DCC: variants seen among roughly 807,000 people sequenced by gnomAD.
DCC encodes the protein DCC netrin 1 receptor.
A neutral mutation model predicts 172.5 loss-of-function variants in DCC; 58 were observed. The ratio of observed to expected loss-of-function variants is 0.34; its 90% CI spans 0.27 to 0.42. The LOEUF (loss-of-function observed/expected upper bound fraction) is 0.42, where lower values mean the gene tolerates loss of function less well. DCC is among the 10% of genes least tolerant of loss of function. The pLI is 1.00. For missense variants in DCC, 1,740 were observed against 1,791.0 expected (o/e 0.97, Z 0.51); for synonymous variants, 709 against 644.5 (o/e 1.10, Z -1.52).
chr18:52,376,152 A>T (rs919006030), intron 1 of DCC, among the ~76,000 whole-genome samples: 1 of 152,190 alleles, frequency 6.6e-6, no homozygotes, highest in East Asian at 1.9e-4. Context: ...GCTGTTTATA[A>T]AATAACTCTG....
intron 15 of DCC, among the ~76,000 whole-genome samples, chr18:53,363,747 T>A (rs932626051): frequency 1.2e-4 from 19 of 152,180 alleles, no homozygotes; most frequent in African/African-American, 4.6e-4. Flanking sequence ...GTTTTTCAAA[T>A]ATATTGAATT....
At chr18:53,433,232 G>A (rs190048252) in intron 21 of DCC, among the ~76,000 whole-genome samples, 3 of 152,044 alleles carry the variant, frequency 2.0e-5, no homozygotes, top group South Asian at 2.1e-4. Flanking sequence ...TGAAATTCAC[G>A]ATGTAATCAA....
chr18:52,871,416 A>G (rs2145383648), intron 2 of DCC, among the ~76,000 whole-genome samples: 1 of 152,188 alleles, frequency 6.6e-6, no homozygotes, highest in South Asian at 2.1e-4. Context: ...TTTGAATAAC[A>G]GACTTATGGG....
intron 2 of DCC, among the ~76,000 whole-genome samples, chr18:52,766,887 C>G (rs1323350872): frequency 6.6e-6 from 1 of 151,782 alleles, no homozygotes; most frequent in Non-Finnish European, 1.5e-5. Flanking sequence ...TTCTCTGTTC[C>G]CTGTCCCCAT....
At chr18:52,834,485 C>G (rs2038668458) in intron 2 of DCC, among the ~76,000 whole-genome samples, 1 of 152,162 alleles carries the variant, frequency 6.6e-6, no homozygotes, top group Non-Finnish European at 1.5e-5. Context: ...AACTTGAGAA[C>G]CACTAATCCC....
At chr18:52,824,176 C>T (rs1292130207) in intron 2 of DCC, among the ~76,000 whole-genome samples, 1 of 152,152 alleles carries the variant, frequency 6.6e-6, no homozygotes, top group Non-Finnish European at 1.5e-5. Flanking sequence ...GAGAAATACG[C>T]TGGTTTTCAA....
rs146048719 is a variant in DCC at position 52,669,658 on chromosome 18, T to C, written c.92-82396T>C. Among the ~76,000 whole-genome samples, 20 of 152,332 alleles carry C rather than the reference T, an allele frequency of 1.3e-4. No individual in the cohort carries two copies. The East Asian group carries it at 3.9e-3, about 29-fold the overall frequency. On this transcript the variant is annotated intron_variant, in intron 1 of 28. Transcript: ENST00000442544. The stretch of plus-strand genomic sequence containing the variant: ...ACGGTGCATATATTGGTTTGTTTAT[T>C]CATTTATTCAAAGTATCTAGAAATA...
At chr18:52,727,410 C>T (rs539712865) in intron 1 of DCC, among the ~76,000 whole-genome samples, 12 of 152,238 alleles carry the variant, frequency 7.9e-5, no homozygotes, top group African/African-American at 2.9e-4. Flanking sequence ...CCTGTTTCAA[C>T]ATGAAGCTGA....
intron 1 of DCC, among the ~76,000 whole-genome samples, chr18:52,596,344 G>C (rs1400311398): frequency 6.6e-6 from 1 of 152,130 alleles, no homozygotes; most frequent in Non-Finnish European, 1.5e-5. Context: ...ATCTAAATTA[G>C]ACTAACTCAC....
chr18:53,325,276 A>G (rs2057454729), intron 14 of DCC, among the ~76,000 whole-genome samples: 1 of 151,722 alleles, frequency 6.6e-6, no homozygotes. Flanking sequence ...CTAATCCTGT[A>G]GAAATGACTT....
At chr18:53,195,863 C>G (rs2055435997) in intron 9 of DCC, among the ~76,000 whole-genome samples, 1 of 152,074 alleles carries the variant, frequency 6.6e-6, no homozygotes, top group South Asian at 2.1e-4. Context: ...AATTTTTAGC[C>G]TTGATTATAT....
At chr18:53,339,442 C>T (rs2057630208) in intron 14 of DCC, among the ~76,000 whole-genome samples, 1 of 152,006 alleles carries the variant, frequency 6.6e-6, no homozygotes, top group African/African-American at 2.4e-5. Context: ...GAAAAAAAGC[C>T]CAAGTAAGAC....
chr18:52,592,704 A>T (rs1224800234), intron 1 of DCC, among the ~76,000 whole-genome samples: 1 of 152,020 alleles, frequency 6.6e-6, no homozygotes, highest in Non-Finnish European at 1.5e-5. Flanking sequence ...CACGATCTCA[A>T]CTCATTGTAA....
chr18:52,479,638 T>A (rs2144579716), intron 1 of DCC, among the ~76,000 whole-genome samples: 1 of 148,346 alleles, frequency 6.7e-6, no homozygotes, highest in African/African-American at 2.5e-5. Context: ...ACTCTCTTCC[T>A]TACACACTAA....
intron 5 of DCC, among the ~76,000 whole-genome samples, chr18:52,943,889 G>A (rs372732021): frequency 5.3e-5 from 8 of 152,024 alleles, no homozygotes; most frequent in Admixed American, 3.9e-4. Flanking sequence ...AGCTGGGGCC[G>A]CAGGTGCCTG....
intron 1 of DCC, among the ~76,000 whole-genome samples, chr18:52,707,471 A>T (rs1267593117): frequency 6.6e-6 from 1 of 152,222 alleles, no homozygotes; most frequent in African/African-American, 2.4e-5. Flanking sequence ...TTAAAAACAG[A>T]ACTATCATAT....
chr18:53,524,760 G>A (rs2046436555), intron 27 of DCC, among the ~76,000 whole-genome samples: 1 of 151,924 alleles, frequency 6.6e-6, no homozygotes, highest in South Asian at 2.1e-4. Context: ...AATTGGATGG[G>A]CTAGGTCAAC....
chr18:53,415,557 C>T (rs1910261176), intron 20 of DCC, among the ~76,000 whole-genome samples: 1 of 151,974 alleles, frequency 6.6e-6, no homozygotes, highest in African/African-American at 2.4e-5. Context: ...ATTTAAATTT[C>T]AAAAAGTCAT....
At chr18:53,332,462 G>T (rs1240520337) in intron 14 of DCC, among the ~76,000 whole-genome samples, 1 of 152,108 alleles carries the variant, frequency 6.6e-6, no homozygotes, top group East Asian at 1.9e-4. Flanking sequence ...AACTATATGT[G>T]AAATGCTACA....
Sources: allele counts gnomAD v4.1 joint callset (sites outside exome capture counted in the v4.1 genomes callset), GRCh38; gene constraint gnomAD v4.1.1; transcripts MANE v1.5; gene names NCBI Gene and HGNC (gene_info 2026-07-23, HGNC 2026-07-21).